CHCHD3: variants seen among roughly 807,000 people sequenced by gnomAD.
CHCHD3 encodes MICOS complex subunit MIC19.
In CHCHD3, 20 loss-of-function variants were observed where a neutral mutation model predicts 38.2. The ratio of observed to expected loss-of-function variants is 0.52; its 90% CI spans 0.37 to 0.76. The LOEUF is 0.76. CHCHD3 is among the 30% of genes least tolerant of loss of function. The pLI is 0.00. For missense variants in CHCHD3, 245 were observed against 279.2 expected, an observed-to-expected ratio of 0.88 and a Z score of 0.87; for synonymous variants, 82 against 100.0, an observed-to-expected ratio of 0.82 and a Z score of 1.07.
At chr7:132,926,897 C>T (rs1453481460) in intron 4 of CHCHD3, among the ~76,000 whole-genome samples, 1 of 151,816 alleles carries the variant, frequency 6.6e-6, no homozygotes, top group African/African-American at 2.4e-5. Context: ...AAATGCAAAA[C>T]CCATGGATAC....
At chr7:133,032,470 T>C (rs1356623795) in intron 2 of CHCHD3, among the ~76,000 whole-genome samples, 1 of 152,202 alleles carries the variant, frequency 6.6e-6, no homozygotes, top group Non-Finnish European at 1.5e-5. Flanking sequence ...AATGGCTTAT[T>C]TTGTAGCATT....
chr7:132,823,252 C>T (rs922591813), intron 6 of CHCHD3, among the ~76,000 whole-genome samples: 2 of 151,940 alleles, frequency 1.3e-5, no homozygotes, highest in Non-Finnish European at 2.9e-5. Context: ...CATTAGTTCC[C>T]CTTTATCCAT....
intron 6 of CHCHD3, among the ~76,000 whole-genome samples, chr7:132,830,046 ATAGTATTTAGACCAAG>A (rs1807602627): frequency 6.6e-6 from 1 of 152,156 alleles, no homozygotes; most frequent in African/African-American, 2.4e-5. Flanking sequence ...ATCTTAGAAA[ATAGTATTTAGACCAAG>A]TATAGAGATC....
chr7:132,832,183 C>T (rs181898512), intron 6 of CHCHD3, among the ~76,000 whole-genome samples: 1 of 152,302 alleles, frequency 6.6e-6, no homozygotes, highest in Non-Finnish European at 1.5e-5. Context: ...TAGTATTCCT[C>T]AGATACTCTA....
chr7:132,786,470 G>A (rs141309159), intron 7 of CHCHD3, among the ~76,000 whole-genome samples: 9 of 152,258 alleles, frequency 5.9e-5, no homozygotes, highest in African/African-American at 2.2e-4. Context: ...GGGAGATGAG[G>A]ATGTAGATAG....
intron 1 of CHCHD3, among the ~76,000 whole-genome samples, chr7:133,070,780 A>T (rs917439799): frequency 3.9e-5 from 6 of 152,196 alleles, no homozygotes; most frequent in Non-Finnish European, 8.8e-5. Context: ...CAGAATAAAC[A>T]ACCATCAGGC....
At chr7:132,894,768 A>G (rs184411704) in intron 4 of CHCHD3, among the ~76,000 whole-genome samples, 2 of 152,328 alleles carry the variant, frequency 1.3e-5, no homozygotes, top group East Asian at 3.9e-4. Flanking sequence ...AATCTGTCCT[A>G]ATGTCTACGA....
At chr7:132,928,818 T>G (rs896484742) in intron 4 of CHCHD3, among the ~76,000 whole-genome samples, 3 of 152,194 alleles carry the variant, frequency 2.0e-5, no homozygotes, top group Admixed American at 6.5e-5. Flanking sequence ...CCTTTTAAAT[T>G]TGCTCAGGTC....
chr7:133,057,214 C>T lies in CHCHD3; in HGVS notation c.169+12928G>A, dbSNP rs192013705. Among the ~76,000 whole-genome samples the T allele has an allele frequency of 9.2e-5, 14 of 152,262 alleles. 1 individual carries two copies. In the East Asian group the frequency reaches 2.7e-3, roughly 29 times the overall value. On this transcript the variant is annotated intron_variant, in intron 2 of 7. Transcript: ENST00000262570. ...TGTTTGTTCAACTAAAAGAATTTTA[C>T]TTGGATGGAGAGAAAAAGGTAGTTC...
intron 1 of CHCHD3, among the ~76,000 whole-genome samples, chr7:133,080,491 A>C (rs2117559701): frequency 6.6e-6 from 1 of 152,242 alleles, no homozygotes; most frequent in African/African-American, 2.4e-5. Flanking sequence ...CTCACTCAAA[A>C]CTTATTTTGC....
At chr7:132,988,489 T>C (rs571133513) in intron 3 of CHCHD3, among the ~76,000 whole-genome samples, 5 of 152,300 alleles carry the variant, frequency 3.3e-5, no homozygotes, top group South Asian at 2.1e-4. Flanking sequence ...TTATGGAACA[T>C]AGGTACTCTT....
chr7:132,815,285 T>C (rs1433442749), intron 6 of CHCHD3, among the ~76,000 whole-genome samples: 1 of 152,208 alleles, frequency 6.6e-6, no homozygotes, highest in African/African-American at 2.4e-5. Flanking sequence ...AAGTCTTATT[T>C]CCCTGCTTAT....
chr7:132,870,179 C>T (rs759007174), intron 5 of CHCHD3, among the ~76,000 whole-genome samples: 4 of 151,580 alleles, frequency 2.6e-5, no homozygotes, highest in African/African-American at 7.3e-5. Flanking sequence ...GGCAAAACCC[C>T]GTCTCTAAAA....
chr7:132,799,208 G>T (rs1806704352), intron 6 of CHCHD3, among the ~76,000 whole-genome samples: 1 of 152,112 alleles, frequency 6.6e-6, no homozygotes, highest in Admixed American at 6.5e-5. Flanking sequence ...AAGGGTAAAG[G>T]TTTGCCTCTG....
chr7:133,005,478 G>GTTTTAAAATTTTAAA, intron 3 of CHCHD3, among the ~76,000 whole-genome samples: 1 of 152,062 alleles, frequency 6.6e-6, no homozygotes, highest in Admixed American at 6.5e-5. Flanking sequence ...TTTTAAAAAG[G>GTTTTAAAATTTTAAA]AATTTGAAAA....
At chr7:132,952,538 C>G (rs1811057388) in intron 4 of CHCHD3, among the ~76,000 whole-genome samples, 1 of 152,170 alleles carries the variant, frequency 6.6e-6, no homozygotes, top group Non-Finnish European at 1.5e-5. Context: ...GTCTAAGGAA[C>G]TAATATCAAG....
chr7:132,867,744 CTT>C (rs1808667808), intron 5 of CHCHD3, among the ~76,000 whole-genome samples: 1 of 152,106 alleles, frequency 6.6e-6, no homozygotes, highest in African/African-American at 2.4e-5. Context: ...GGCAGAAAGA[CTT>C]ATACCAATAC....
intron 1 of CHCHD3, among the ~76,000 whole-genome samples, chr7:133,080,670 TGTA>T (rs1377303270): frequency 6.6e-6 from 1 of 152,202 alleles, no homozygotes; most frequent in African/African-American, 2.4e-5. Flanking sequence ...TATTACAAAA[TGTA>T]GTACTACCAT....
chr7:132,925,469 C>A (rs1325872207), intron 4 of CHCHD3, among the ~76,000 whole-genome samples: 3 of 152,154 alleles, frequency 2.0e-5, no homozygotes, highest in African/African-American at 7.2e-5. Flanking sequence ...TGTCCAGGTG[C>A]CAACTTTAAA....
Sources: allele counts gnomAD v4.1 joint callset (sites outside exome capture counted in the v4.1 genomes callset), GRCh38; gene constraint gnomAD v4.1.1; transcripts MANE v1.5; gene names NCBI Gene and HGNC (gene_info 2026-07-23, HGNC 2026-07-21).